The following WDR72 variants were observed in gnomAD, a reference collection of about 807,000 sequenced individuals.
WDR72 encodes WD repeat domain 72, also known as WD repeat-containing protein 72.
A neutral mutation model predicts 124.2 loss-of-function variants in WDR72; 120 were observed. The observed-to-expected ratio is 0.97, with a 90% CI of 0.83 to 1.12. The LOEUF (loss-of-function observed/expected upper bound fraction) is 1.12. Ranked by LOEUF, WDR72 falls within the 50% of genes most tolerant of loss-of-function variation. The pLI, the probability that WDR72 is intolerant of heterozygous loss-of-function variation, is 0.00. For missense variants in WDR72, 1,387 were observed against 1,278.8 expected, an observed-to-expected ratio of 1.08 and a Z score of -1.29; for synonymous variants, 452 against 441.7, an observed-to-expected ratio of 1.02 and a Z score of -0.29.
At chr15:53,575,876 C>A (rs1413646091) in intron 18 of WDR72, among the ~76,000 whole-genome samples, 1 of 152,144 alleles carries the variant, frequency 6.6e-6, no homozygotes, top group Non-Finnish European at 1.5e-5. Context: ...TCATCACTAT[C>A]TACCAGGGTA....
At chr15:53,517,924 T>C (rs1218910502) in intron 19 of WDR72, among the ~76,000 whole-genome samples, 170 bp from the exon 20 acceptor site, 1 of 152,044 alleles carries the variant, frequency 6.6e-6, no homozygotes, top group Non-Finnish European at 1.5e-5. Context: ...GCTTATAATT[T>C]CTACATGTCT....
intron 11 of WDR72, among the ~76,000 whole-genome samples, chr15:53,703,079 A>T (rs2017233905): frequency 6.6e-6 from 1 of 151,040 alleles, no homozygotes; most frequent in Admixed American, 6.6e-5. Flanking sequence ...ATGCCCAGCT[A>T]ATTTTTGTTT....
chr15:53,613,389 G>A (rs972835944), intron 16 of WDR72, among the ~76,000 whole-genome samples: 1 of 152,002 alleles, frequency 6.6e-6, no homozygotes, highest in African/African-American at 2.4e-5. Flanking sequence ...ATGTTCAAAT[G>A]TTATGTCTAT....
intron 18 of WDR72, among the ~76,000 whole-genome samples, chr15:53,525,912 T>A (rs138331221): frequency 7.0e-4 from 107 of 152,234 alleles, no homozygotes; most frequent in Non-Finnish European, 1.0e-3. Context: ...ATTCTGCCAG[T>A]TGGGAATAGA....
chr15:53,550,325 T>G (rs558927598), intron 18 of WDR72, among the ~76,000 whole-genome samples: 1 of 152,282 alleles, frequency 6.6e-6, no homozygotes, highest in East Asian at 1.9e-4. Flanking sequence ...TGTGGTTGTG[T>G]TCCAATAAAA....
chr15:53,703,514 T>C (rs2017248439), intron 11 of WDR72, among the ~76,000 whole-genome samples: 1 of 151,866 alleles, frequency 6.6e-6, no homozygotes, highest in South Asian at 2.1e-4. Context: ...ATGTTACATC[T>C]GAAAATTTAG....
At chr15:53,715,140 G>A in intron 5 of WDR72, 53 bp downstream of exon 5, 1 of 1,581,250 alleles carries the variant, frequency 6.3e-7, no homozygotes, top group Non-Finnish European at 8.7e-7. Context: ...TAATTCAAAA[G>A]TAGATATTTT....
At chr15:53,549,885 G>T (rs1400952496) in intron 18 of WDR72, among the ~76,000 whole-genome samples, 1 of 152,112 alleles carries the variant, frequency 6.6e-6, no homozygotes, top group Admixed American at 6.5e-5. Flanking sequence ...TAAACCGAAG[G>T]CCCCAGATCT....
intron 1 of WDR72, among the ~76,000 whole-genome samples, chr15:53,748,498 T>C (rs1024912264): frequency 6.6e-6 from 1 of 152,178 alleles, no homozygotes; most frequent in Non-Finnish European, 1.5e-5. Context: ...TTAACACAAA[T>C]ACTTGGTATG....
intron 1 of WDR72, among the ~76,000 whole-genome samples, chr15:53,737,419 C>G (rs568821376): frequency 1.8e-4 from 27 of 152,222 alleles, no homozygotes; most frequent in African/African-American, 6.3e-4. Context: ...CTATATCTTA[C>G]TTACAAAAGA....
rs189143026 is a variant in WDR72 at position 53,559,067 on chromosome 15, A to G, written c.3149-35745T>C. ...ATGTATGATTCAAACTCAAGCTTTT[A>G]GTTCACAGAAATATAGCCCAAAAGC... On this transcript the variant is annotated intron_variant, in intron 18 of 19. Coordinates refer to ENST00000360509, the MANE Select transcript of WDR72 (RefSeq NM_182758.4). Among the ~76,000 whole-genome samples the G allele has an allele frequency of 3.3e-5, 5 of 152,118 alleles. No homozygotes were observed. In the East Asian group the frequency reaches 7.8e-4, roughly 24 times the overall value.
At chr15:53,678,454 C>T (rs974527427) in intron 13 of WDR72, among the ~76,000 whole-genome samples, 1 of 152,092 alleles carries the variant, frequency 6.6e-6, no homozygotes, top group Non-Finnish European at 1.5e-5. Flanking sequence ...TCTATAGAAC[C>T]ATTTCCTTTT....
chr15:53,606,854 G>A (rs1338912415), intron 17 of WDR72, among the ~76,000 whole-genome samples: 3 of 152,146 alleles, frequency 2.0e-5, no homozygotes, highest in Non-Finnish European at 2.9e-5. Context: ...AATGATGACA[G>A]ATGTGGTCAG....
intron 1 of WDR72, among the ~76,000 whole-genome samples, chr15:53,734,445 A>AATAAT (rs1567055722): frequency 6.6e-6 from 1 of 152,174 alleles, no homozygotes; most frequent in Non-Finnish European, 1.5e-5. Context: ...TTCTGATTTC[A>AATAAT]ATAATACTGT....
At chr15:53,576,520 C>T (rs2011625224) in intron 18 of WDR72, among the ~76,000 whole-genome samples, 1 of 152,102 alleles carries the variant, frequency 6.6e-6, no homozygotes, top group Admixed American at 6.6e-5. Context: ...TTTTTGTATG[C>T]ATGGTAACTT....
At chr15:53,571,935 T>C (rs1252527683) in intron 18 of WDR72, among the ~76,000 whole-genome samples, 2 of 152,124 alleles carry the variant, frequency 1.3e-5, no homozygotes, top group African/African-American at 2.4e-5. Flanking sequence ...TGATATCTCA[T>C]TGTAGTTTTG....
Position 53,706,378 on chromosome 15 carries a change from A to G in WDR72, c.955-304T>C, listed in dbSNP as rs888760534. 5.0e-4 allele frequency among the ~76,000 whole-genome samples: 48 copies of G among 96,180 alleles called. 2 individuals are homozygous for G. The highest frequency in any genetic ancestry group is 2.1e-3 in the African/African-American group (41 of 19,370). The allele number at this position is 96,180 out of a possible 152,430, so 63.1% of individuals were successfully genotyped here. On this transcript the variant is annotated intron_variant, in intron 9 of 19. Transcript: ENST00000360509. ...TATATATATATATATATATATATAT[A>G]TATATATATATATATATGGCTATGT...
intron 13 of WDR72, among the ~76,000 whole-genome samples, chr15:53,693,508 T>C (rs539108769): frequency 6.6e-6 from 1 of 152,326 alleles, no homozygotes; most frequent in Non-Finnish European, 1.5e-5. Context: ...AGCTGTTGGT[T>C]GACAAAACTC....
intron 15 of WDR72, among the ~76,000 whole-genome samples, chr15:53,614,073 T>C (rs1906402): frequency 0.44 from 66,808 of 151,862 alleles, 15,027 homozygotes; most frequent in Middle Eastern, 0.59. Flanking sequence ...GGTTACATGA[T>C]TACTGACTAA....
Sources: allele counts gnomAD v4.1 joint callset (sites outside exome capture counted in the v4.1 genomes callset), GRCh38; gene constraint gnomAD v4.1.1; transcripts MANE v1.5; gene names NCBI Gene and HGNC (gene_info 2026-07-23, HGNC 2026-07-21).